SSBP3: variants seen among roughly 807,000 people sequenced by gnomAD.
The protein encoded by SSBP3 is single-stranded DNA-binding protein 3.
SSBP3 carries 5 observed loss-of-function variants against 69.6 expected under a neutral mutation model. That is an observed-to-expected ratio of 0.07 (90% confidence interval 0.04 to 0.15). The LOEUF (loss-of-function observed/expected upper bound fraction) is 0.15. Among genes scored for constraint, SSBP3 ranks in the 10% least tolerant of loss-of-function variants. The pLI is 1.00. For synonymous variants in SSBP3, 196 were observed against 193.4 expected, an observed-to-expected ratio of 1.01 and a Z score of -0.11; for missense variants, 312 against 534.0, an observed-to-expected ratio of 0.58 and a Z score of 4.10.
intron 7 of SSBP3, among the ~76,000 whole-genome samples, chr1:54,253,583 C>G (rs923045328): frequency 8.5e-5 from 13 of 152,154 alleles, no homozygotes; most frequent in African/African-American, 3.1e-4. Flanking sequence ...TTGTTCCGGC[C>G]TCTCACTTTC....
At chr1:54,240,102 G>GCACA (rs1644595839) in intron 13 of SSBP3, among the ~76,000 whole-genome samples, 1 of 6,032 alleles carries the variant, frequency 1.7e-4, no homozygotes, top group Non-Finnish European at 3.3e-4. Context: ...GCGCGCGCGT[G>GCACA]TGCGTGCGCG....
At chr1:54,399,895 C>T (rs562790314) in intron 4 of SSBP3, among the ~76,000 whole-genome samples, 124 of 152,316 alleles carry the variant, frequency 8.1e-4, no homozygotes, top group African/African-American at 2.9e-3. Flanking sequence ...CCATTCATCA[C>T]TCCATCCCTC....
chr1:54,344,006 AAAG>A (rs146896610), intron 4 of SSBP3, among the ~76,000 whole-genome samples: 2,521 of 152,236 alleles, frequency 0.017, 67 homozygotes, highest in African/African-American at 0.057. Flanking sequence ...CGAAGGAGAA[AAAG>A]AAGAGATGGT....
intron 4 of SSBP3, among the ~76,000 whole-genome samples, chr1:54,385,599 C>G (rs1648023520): frequency 1.3e-5 from 2 of 152,176 alleles, no homozygotes; most frequent in South Asian, 4.1e-4. Context: ...TTCATAAATA[C>G]TTCCTGCTTT....
At chr1:54,306,335 C>G (rs528304539) in intron 4 of SSBP3, among the ~76,000 whole-genome samples, 4 of 152,330 alleles carry the variant, frequency 2.6e-5, no homozygotes, top group Admixed American at 6.5e-5. Flanking sequence ...AAAAACACAT[C>G]CATTGGAGAA....
intron 4 of SSBP3, among the ~76,000 whole-genome samples, chr1:54,301,117 G>T (rs1027126129): frequency 6.6e-6 from 1 of 152,136 alleles, no homozygotes; most frequent in Non-Finnish European, 1.5e-5. Flanking sequence ...ACTTGCTTGG[G>T]AAAACTGGGG....
chr1:54,227,712 G>A (rs998946268), intron 17 of SSBP3, among the ~76,000 whole-genome samples: 1 of 152,136 alleles, frequency 6.6e-6, no homozygotes, highest in African/African-American at 2.4e-5. Flanking sequence ...CAAGTAGCTG[G>A]GACTATAGGC....
chr1:54,273,048 G>T (rs1645222934), intron 5 of SSBP3, among the ~76,000 whole-genome samples: 1 of 152,232 alleles, frequency 6.6e-6, no homozygotes, highest in Admixed American at 6.5e-5. Flanking sequence ...AGGCCAGGAG[G>T]ACGTGGTGTG....
At position 54,228,846 on chromosome 1, in the gene SSBP3, C is replaced by T. The variant is rs1644333174; in HGVS notation, c.928-20G>A. 1 of 1,608,394 alleles carries T rather than the reference C, an allele frequency of 6.2e-7. No homozygotes were observed. The highest frequency in any genetic ancestry group is 8.5e-7 in the Non-Finnish European group (1 of 1,178,254). On this transcript the variant is annotated intron_variant, in intron 14 of 17. Coordinates refer to ENST00000610401, the Ensembl canonical transcript of SSBP3. The stretch of plus-strand genomic sequence containing the variant: ...CGGGAACTGGGGAAGAAGCACAGGG[C>T]ATGGCAGCTCAGCGGGCCCTGGCCC...
At chr1:54,331,137 T>C (rs1227731301) in intron 4 of SSBP3, among the ~76,000 whole-genome samples, 2 of 152,162 alleles carry the variant, frequency 1.3e-5, no homozygotes, top group Admixed American at 6.5e-5. Flanking sequence ...CCCGATATAA[T>C]AACCTCCGCA....
intron 14 of SSBP3, among the ~76,000 whole-genome samples, chr1:54,233,336 TCTCTGCCCGGCC>T (rs1644418540): frequency 8.8e-6 from 1 of 113,464 alleles, no homozygotes; most frequent in Non-Finnish European, 1.8e-5. Flanking sequence ...GTGAGGAGCG[TCTCTGCCCGGCC>T]GCCCCGTCTG....
chr1:54,283,206 T>G (rs1239262801), intron 4 of SSBP3, among the ~76,000 whole-genome samples: 2 of 150,574 alleles, frequency 1.3e-5, no homozygotes, highest in African/African-American at 2.4e-5. Context: ...AGGCAGAGGT[T>G]GCAGTGAGCC....
upstream of SSBP3, among the ~76,000 whole-genome samples, chr1:54,407,788 T>C (rs1649882359): frequency 7.2e-6 from 1 of 138,974 alleles, no homozygotes; most frequent in East Asian, 2.1e-4. Flanking sequence ...AACTGCGCTG[T>C]TCCAATAAAC....
chr1:54,340,835 C>G (rs1646594608), intron 4 of SSBP3, among the ~76,000 whole-genome samples: 1 of 152,198 alleles, frequency 6.6e-6, no homozygotes. Context: ...TAGGTACAGC[C>G]CCACTGGCTA....
At position 54,345,898 on chromosome 1, in the gene SSBP3, T is replaced by C. The variant is rs1033993830; in HGVS notation, c.276+55963A>G. Among the ~76,000 whole-genome samples, 5 of 151,560 alleles carry C rather than the reference T, an allele frequency of 3.3e-5. No individual in the cohort carries two copies. In the East Asian group the frequency reaches 7.7e-4, roughly 23 times the overall value. ...GGCTCACGCCTGTAATTCCAGCACT[T>C]TGGGAGGCCGACGCGGGTGGATCAC... On this transcript the variant is annotated intron_variant, in intron 4 of 17. Transcript: ENST00000610401.
intron 4 of SSBP3, among the ~76,000 whole-genome samples, chr1:54,331,543 C>CT (rs1196061530): frequency 6.6e-6 from 1 of 152,216 alleles, no homozygotes; most frequent in Admixed American, 6.5e-5. Context: ...CACCTGTGAT[C>CT]TACTGTGCAT....
intron 17 of SSBP3, 83 bp downstream of exon 17, chr1:54,228,172 G>T: frequency 1.5e-6 from 2 of 1,292,370 alleles, no homozygotes; most frequent in South Asian, 1.2e-5. Flanking sequence ...GCAGGCTGCA[G>T]CCCGGCTCCG....
At chr1:54,391,444 T>C (rs1188509684) in intron 4 of SSBP3, among the ~76,000 whole-genome samples, 6 of 152,216 alleles carry the variant, frequency 3.9e-5, no homozygotes, top group African/African-American at 9.6e-5. Context: ...ACCAACCATC[T>C]GCCATTTCCA....
At chr1:54,225,621 CATA>C (rs1336682791) in exon 18 of SSBP3, 4 of 336,012 alleles carry the variant, frequency 1.2e-5, no homozygotes, top group East Asian at 4.8e-5. Flanking sequence ...TGATATCTCA[CATA>C]ATATGATATA....
Sources: allele counts gnomAD v4.1 joint callset (sites outside exome capture counted in the v4.1 genomes callset), GRCh38; gene constraint gnomAD v4.1.1; transcripts MANE v1.5; gene names NCBI Gene and HGNC (gene_info 2026-07-23, HGNC 2026-07-21).